Variants in CATSPERT observed in about 807,000 individuals in gnomAD.
CATSPERT encodes catsper channel auxiliary subunit tau, also known as cation channel sperm-associated targeting subunit tau.
the CATSPERT span, among the ~76,000 whole-genome samples, chr2:201,598,384 C>T: frequency 6.6e-5 from 10 of 151,862 alleles, no homozygotes; most frequent in South Asian, 2.1e-4. Context: ...GGATTATAGG[C>T]GTGAGCCACT....
the CATSPERT span, among the ~76,000 whole-genome samples, chr2:201,612,837 G>A: frequency 5.3e-5 from 8 of 152,126 alleles, no homozygotes; most frequent in Admixed American, 2.0e-4. Context: ...CTGGAAAATC[G>A]GGACACTCCC....
chr2:201,581,034 C>T, the CATSPERT span, among the ~76,000 whole-genome samples: 498 of 152,252 alleles, frequency 3.3e-3, no homozygotes, highest in South Asian at 5.2e-3. Context: ...ACATGTTTAA[C>T]TTTATTTAGC....
At chr2:201,598,947 AG>A in the CATSPERT span, among the ~76,000 whole-genome samples, 1 of 152,142 alleles carries the variant, frequency 6.6e-6, no homozygotes, top group African/African-American at 2.4e-5. Context: ...GCCAGGTATT[AG>A]AAAACTAGAG....
chr2:201,617,461 G>T, the CATSPERT span, among the ~76,000 whole-genome samples: 3 of 152,152 alleles, frequency 2.0e-5, no homozygotes, highest in African/African-American at 7.2e-5. Flanking sequence ...ATGGGGAAAG[G>T]ATTCTCTATT....
the CATSPERT span, chr2:201,535,516 A>T: frequency 1.1e-6 from 1 of 929,086 alleles, no homozygotes; most frequent in Non-Finnish European, 1.3e-6. Flanking sequence ...AGTTTTATTA[A>T]GAATTTCCAC....
chr2:201,575,920 A>G, the CATSPERT span, among the ~76,000 whole-genome samples: 2 of 152,200 alleles, frequency 1.3e-5, no homozygotes, highest in Non-Finnish European at 2.9e-5. Flanking sequence ...GGGACCAATG[A>G]CCTAAACCAC....
chr2:201,558,554 G>T, the CATSPERT span, among the ~76,000 whole-genome samples: 1 of 152,232 alleles, frequency 6.6e-6, no homozygotes, highest in Non-Finnish European at 1.5e-5. Flanking sequence ...ACTTCCCATT[G>T]TTGGGAAAAG....
At chr2:201,601,044 C>T in the CATSPERT span, among the ~76,000 whole-genome samples, 26 of 58,196 alleles carry the variant, frequency 4.5e-4, no homozygotes, top group Non-Finnish European at 2.3e-4. Flanking sequence ...GTCACTGCGC[C>T]CAGCCATTTT....
chr2:201,500,735 C>T, the CATSPERT span, among the ~76,000 whole-genome samples: 4 of 152,044 alleles, frequency 2.6e-5, no homozygotes, highest in African/African-American at 9.7e-5. Context: ...CATGAAACCA[C>T]AATATTACGA....
the CATSPERT span, chr2:201,494,254 A>G: frequency 6.5e-7 from 1 of 1,536,960 alleles, no homozygotes; most frequent in Non-Finnish European, 8.7e-7. Context: ...GTTCATACTA[A>G]CTTCTGGTTT....
chr2:201,560,137 A>C, the CATSPERT span, among the ~76,000 whole-genome samples: 1 of 152,180 alleles, frequency 6.6e-6, no homozygotes. Context: ...AATAAAATGT[A>C]AAATTGTGGG....
At chr2:201,501,395 C>CAA in the CATSPERT span, among the ~76,000 whole-genome samples, 445 of 46,096 alleles carry the variant, frequency 9.7e-3, 9 homozygotes, top group African/African-American at 0.012. Flanking sequence ...AACTCCATCT[C>CAA]AAAAAAAAAA....
the CATSPERT span, among the ~76,000 whole-genome samples, chr2:201,506,595 C>G: frequency 1.3e-5 from 2 of 152,106 alleles, no homozygotes; most frequent in Non-Finnish European, 2.9e-5. Flanking sequence ...GCTCTGTCAT[C>G]CAGACTGGAG....
the CATSPERT span, among the ~76,000 whole-genome samples, chr2:201,565,288 G>T: frequency 0.5 from 71,431 of 144,284 alleles, 17,509 homozygotes; most frequent in East Asian, 0.76. Context: ...CTGGTCAACA[G>T]AGCAAGGCCT....
the CATSPERT span, among the ~76,000 whole-genome samples, chr2:201,490,529 C>G: frequency 3.3e-5 from 5 of 152,196 alleles, no homozygotes; most frequent in Non-Finnish European, 7.3e-5. Context: ...TGTACTCTGA[C>G]TCTCGGCTGT....
chr2:201,588,174 T>C, the CATSPERT span, among the ~76,000 whole-genome samples: 1 of 151,164 alleles, frequency 6.6e-6, no homozygotes, highest in Admixed American at 6.6e-5. Context: ...GATGAAAACT[T>C]GGCAGAGATT....
the CATSPERT span, among the ~76,000 whole-genome samples, chr2:201,504,115 C>A: frequency 6.6e-6 from 1 of 152,196 alleles, no homozygotes; most frequent in East Asian, 1.9e-4. Flanking sequence ...AGAGGAACTT[C>A]TTTACAGTTA....
the CATSPERT span, among the ~76,000 whole-genome samples, chr2:201,489,072 G>A: frequency 6.6e-6 from 1 of 152,116 alleles, no homozygotes; most frequent in Non-Finnish European, 1.5e-5. Flanking sequence ...CTTCTGTCTT[G>A]ATTCCTTTGG....
At chr2:201,576,505 C>G in the CATSPERT span, among the ~76,000 whole-genome samples, 1 of 152,246 alleles carries the variant, frequency 6.6e-6, no homozygotes, top group Non-Finnish European at 1.5e-5. Flanking sequence ...CTTTTGTCTT[C>G]TTTGCTCCCC....
Sources: gnomAD v4.1 joint callset for allele counts (sites outside exome capture counted in the v4.1 genomes callset) on GRCh38, gnomAD v4.1.1 for gene constraint, MANE v1.5 for transcripts, NCBI Gene and HGNC (gene_info 2026-07-23, HGNC 2026-07-21) for gene names.